CNTNAP2: variants seen among roughly 807,000 people sequenced by gnomAD.
CNTNAP2 encodes the protein contactin-associated protein-like 2.
Under a neutral mutation model 155.2 loss-of-function variants are expected in CNTNAP2, and 98 were observed. That is an observed-to-expected ratio of 0.63 (90% CI 0.54 to 0.75). The LOEUF is 0.75. Among genes scored for constraint, CNTNAP2 ranks in the 30% least tolerant of loss-of-function variants. The pLI, the probability that CNTNAP2 is intolerant of heterozygous loss-of-function variation, is 0.00. For synonymous variants in CNTNAP2, 651 were observed against 631.2 expected (o/e 1.03, Z -0.47); for missense variants, 1,727 against 1,688.1 (o/e 1.02, Z -0.40).
chr7:146,365,225 G>A (rs1795138795), intron 1 of CNTNAP2, among the ~76,000 whole-genome samples: 1 of 152,136 alleles, frequency 6.6e-6, no homozygotes, highest in Non-Finnish European at 1.5e-5. Context: ...GAGTTCAAAT[G>A]GCTTAATACA....
At chr7:147,867,549 A>G (rs1021543435) in intron 13 of CNTNAP2, among the ~76,000 whole-genome samples, 12 of 152,142 alleles carry the variant, frequency 7.9e-5, no homozygotes, top group African/African-American at 2.4e-4. Flanking sequence ...GTGTTTTCCA[A>G]CTTGGTTGTA....
At chr7:146,565,993 C>G (rs182164830) in intron 1 of CNTNAP2, among the ~76,000 whole-genome samples, 112 of 152,346 alleles carry the variant, frequency 7.4e-4, no homozygotes, top group African/African-American at 2.6e-3. Context: ...ATTAGCTTCT[C>G]ATGCATATTC....
chr7:148,195,823 A>G (rs1471289524), intron 18 of CNTNAP2, among the ~76,000 whole-genome samples: 4 of 152,226 alleles, frequency 2.6e-5, no homozygotes, highest in African/African-American at 9.6e-5. Context: ...TGGTGTCCCA[A>G]GCAACCCCCT....
Position 147,628,199 on chromosome 7 carries a change from G to A in CNTNAP2, c.1898-10907G>A, listed in dbSNP as rs552300920. ...TAGTCATTAGGTTATCTAAAGTTAA[G>A]ACAAAGGAAAGAATCTTAAGAGCTG... On this transcript the variant is annotated intron_variant, in intron 12 of 23. Coordinates refer to ENST00000361727, the MANE Select transcript of CNTNAP2 (RefSeq NM_014141.6). Among the ~76,000 whole-genome samples, 28 of 152,206 alleles carry A rather than the reference G, an allele frequency of 1.8e-4. 1 individual carries two copies. In the South Asian group the frequency reaches 5.2e-3, roughly 28 times the overall value.
At chr7:146,302,108 T>C (rs1453690965) in intron 1 of CNTNAP2, among the ~76,000 whole-genome samples, 2 of 152,158 alleles carry the variant, frequency 1.3e-5, no homozygotes, top group East Asian at 3.9e-4. Flanking sequence ...AGCAAAAATA[T>C]AATGACATAG....
chr7:147,805,797 C>T (rs2116598829), intron 13 of CNTNAP2, among the ~76,000 whole-genome samples: 1 of 152,266 alleles, frequency 6.6e-6, no homozygotes, highest in Non-Finnish European at 1.5e-5. Context: ...GATGACTGAT[C>T]TTTTTAATGT....
At chr7:146,977,977 G>A (rs534140407) in intron 3 of CNTNAP2, among the ~76,000 whole-genome samples, 1 of 152,264 alleles carries the variant, frequency 6.6e-6, no homozygotes, top group Non-Finnish European at 1.5e-5. Flanking sequence ...TTTTTTAAAA[G>A]ATAAGATAGG....
intron 8 of CNTNAP2, among the ~76,000 whole-genome samples, chr7:147,164,634 G>T (rs980318374): frequency 1.3e-5 from 2 of 152,122 alleles, no homozygotes; most frequent in African/African-American, 2.4e-5. Flanking sequence ...GGTTGCTTAG[G>T]TAACACTCTT....
intron 15 of CNTNAP2, among the ~76,000 whole-genome samples, chr7:148,003,675 A>C (rs1273752735): frequency 1.3e-5 from 2 of 152,228 alleles, no homozygotes; most frequent in Non-Finnish European, 2.9e-5. Context: ...CCTGGTATAA[A>C]AGAAATTATT....
intron 13 of CNTNAP2, among the ~76,000 whole-genome samples, chr7:147,749,021 G>A (rs1462202429): frequency 2.6e-5 from 4 of 152,184 alleles, no homozygotes; most frequent in African/African-American, 4.8e-5. Flanking sequence ...CTCTGTCAAC[G>A]ATTGGACAAA....
At chr7:147,984,411 A>T (rs1197371934) in intron 15 of CNTNAP2, among the ~76,000 whole-genome samples, 1 of 152,190 alleles carries the variant, frequency 6.6e-6, no homozygotes, top group Non-Finnish European at 1.5e-5. Flanking sequence ...ACTCCAGTGT[A>T]CTGATGAGGA....
intron 1 of CNTNAP2, among the ~76,000 whole-genome samples, chr7:146,507,812 C>A (rs1300272665): frequency 2.0e-5 from 3 of 152,032 alleles, no homozygotes; most frequent in Non-Finnish European, 1.5e-5. Flanking sequence ...AAAGGTGGAC[C>A]CCCTTTATGA....
At chr7:147,764,163 G>A (rs1292562373) in intron 13 of CNTNAP2, among the ~76,000 whole-genome samples, 1 of 152,008 alleles carries the variant, frequency 6.6e-6, no homozygotes, top group Non-Finnish European at 1.5e-5. Flanking sequence ...TTGGTGTCTT[G>A]CCCTACACCA....
rs980407985 is a variant in CNTNAP2, at chr7:147,539,315, A to G, written c.1778-22823A>G. Among the ~76,000 whole-genome samples, 7 of 152,082 alleles carry G rather than the reference A, an allele frequency of 4.6e-5. No homozygotes were observed. In the East Asian group the frequency reaches 9.7e-4, roughly 21 times the overall value. Reference sequence around the variant, plus strand: ...AAATGTTCATTCCTCACAAAACTCTATGAGATACATTATAGTGCTATTCCC... The same window carrying G: ...AAATGTTCATTCCTCACAAAACTCTGTGAGATACATTATAGTGCTATTCCC... On this transcript the variant is annotated intron_variant, in intron 11 of 23. Transcript: ENST00000361727.
intron 1 of CNTNAP2, among the ~76,000 whole-genome samples, chr7:146,448,137 A>G (rs1023234275): frequency 3.3e-5 from 5 of 152,090 alleles, no homozygotes; most frequent in Admixed American, 1.3e-4. Context: ...ACACCAATAC[A>G]TATTTAATGA....
At chr7:146,528,090 C>A (rs1346706068) in intron 1 of CNTNAP2, among the ~76,000 whole-genome samples, 2 of 152,108 alleles carry the variant, frequency 1.3e-5, no homozygotes, top group Admixed American at 6.6e-5. Flanking sequence ...GCATTAAAAA[C>A]TCTCTTAGGG....
chr7:147,720,580 G>A (rs1230849326), intron 13 of CNTNAP2, among the ~76,000 whole-genome samples: 2 of 152,110 alleles, frequency 1.3e-5, no homozygotes, highest in African/African-American at 4.8e-5. Context: ...ACGTGTGAAG[G>A]AAGAGACCAG....
chr7:146,564,611 C>T (rs1403660494), intron 1 of CNTNAP2, among the ~76,000 whole-genome samples: 14 of 148,354 alleles, frequency 9.4e-5, no homozygotes, highest in African/African-American at 3.4e-4. Context: ...ATAAATGTAG[C>T]ATATTATTTA....
intron 13 of CNTNAP2, among the ~76,000 whole-genome samples, chr7:147,732,188 C>T (rs1404052415): frequency 1.4e-5 from 1 of 74,028 alleles, no homozygotes; most frequent in African/African-American, 1.1e-4. Context: ...CCCTCCCCCC[C>T]CCACCACCCC....
Sources: gnomAD v4.1 joint callset for allele counts (sites outside exome capture counted in the v4.1 genomes callset) on GRCh38, gnomAD v4.1.1 for gene constraint, MANE v1.5 for transcripts, NCBI Gene and HGNC (gene_info 2026-07-23, HGNC 2026-07-21) for gene names.